Variants in USP36 observed in about 807,000 individuals in gnomAD.
USP36 encodes ubiquitin carboxyl-terminal hydrolase 36.
A neutral mutation model predicts 111.5 loss-of-function variants in USP36; 59 were observed. The ratio of observed to expected loss-of-function variants is 0.53; its 90% CI spans 0.43 to 0.66. USP36 has a LOEUF of 0.66. USP36 is among the 30% of genes least tolerant of loss of function. The pLI, the probability that USP36 is intolerant of heterozygous loss-of-function variation, is 0.00. For synonymous variants in USP36, 628 were observed against 581.0 expected (o/e 1.08, Z -1.16); for missense variants, 1,488 against 1,468.0 (o/e 1.01, Z -0.22).
At chr17:78,788,514 C>A (rs970920540) in intron 3 of USP36, among the ~76,000 whole-genome samples, 1 of 152,066 alleles carries the variant, frequency 6.6e-6, no homozygotes, top group African/African-American at 2.4e-5. Context: ...TTTATGTTCT[C>A]CCAGCTGGTT....
intron 13 of USP36, among the ~76,000 whole-genome samples, chr17:78,812,517 G>A (rs920411579): frequency 4.0e-5 from 6 of 151,534 alleles, no homozygotes; most frequent in South Asian, 2.1e-4. Flanking sequence ...GTGAAACCCC[G>A]TCTCTACTAA....
chr17:78,799,865 G>A, intron 17 of USP36, 97 bp from the exon 18 acceptor site: 1 of 385,482 alleles, frequency 2.6e-6, no homozygotes, highest in Non-Finnish European at 4.5e-6. Context: ...CTTACAGTAA[G>A]TGGATGCTTG....
chr17:78,834,734 T>G (rs1263829847), intron 4 of USP36, among the ~76,000 whole-genome samples: 1 of 152,152 alleles, frequency 6.6e-6, no homozygotes, highest in African/African-American at 2.4e-5. Flanking sequence ...CGGCCTTGAT[T>G]TGTTTTTGTA....
At chr17:78,793,378 C>G (rs1049565172), downstream of USP36, among the ~76,000 whole-genome samples, 2 of 152,116 alleles carry the variant, frequency 1.3e-5, no homozygotes, top group Admixed American at 1.3e-4. Context: ...TCCCAAAAGG[C>G]AGGCAGAGCC....
chr17:78,820,811 T>G (rs7208551), intron 8 of USP36, among the ~76,000 whole-genome samples, 180 bp downstream of exon 8: 8,814 of 152,196 alleles, frequency 0.058, 814 homozygotes, highest in African/African-American at 0.2. Flanking sequence ...AAGGATACGC[T>G]TAGGAAAAAC....
At chr17:78,825,416 T>C (rs1948349117) in intron 6 of USP36, among the ~76,000 whole-genome samples, 1 of 152,164 alleles carries the variant, frequency 6.6e-6, no homozygotes, top group East Asian at 1.9e-4. Context: ...ATTCTTATTT[T>C]TTCTCACTCC....
At position 78,807,102 on chromosome 17, in the gene USP36, C is replaced by CG. The variant is rs775059509; in HGVS notation, c.1941dup (p.Ala648ArgfsTer14). 1 of 1,614,190 alleles carries CG rather than the reference C, an allele frequency of 6.2e-7. No homozygotes were observed. The highest frequency in any genetic ancestry group is 8.5e-7 in the Non-Finnish European group (1 of 1,180,032). Reference sequence around the variant, plus strand: ...CTTGGCGGCGTTTTGGAGTGGCCAGCGGTGGAACAGTTCGTTTCCTGAGAA... The same window carrying CG: ...CTTGGCGGCGTTTTGGAGTGGCCAGCGGGTGGAACAGTTCGTTTCCTGAGAA... On this transcript the variant is annotated frameshift_variant, in exon 14 of 21. Transcript: ENST00000449938. LOFTEE classifies it high-confidence loss of function.
In USP36 at chr17:78,814,474, A is replaced by G; in HGVS notation, c.1102T>C (p.Tyr368His). The change falls in exon 11 of 21, where the codon TAT becomes CAT. Residue 368 changes from tyrosine (Y) to histidine (H), a missense_variant. Coordinates refer to ENST00000449938, the MANE Select transcript of USP36 (RefSeq NM_001385174.1). ...TAGCCCGAGTGCACCAGGACAGCAT[A>G]GAGTCCATACATGACAGGATCACCA... ...NNGDPVMYGL[Y>H]AVLVHSGYSC... The G allele has an allele frequency of 6.2e-7, 1 of 1,614,242 alleles. No individual in the cohort carries two copies.
At position 78,820,616 on chromosome 17, in the gene USP36, T is replaced by C. The variant is rs543980960; in HGVS notation, c.828+375A>G. ...AGACCACCCTCCCGCACCCTGTAGCTGCAGCAGGATGTGCGACAAAGCCAA... is the reference window on the plus strand; with the variant it reads ...AGACCACCCTCCCGCACCCTGTAGCCGCAGCAGGATGTGCGACAAAGCCAA... On this transcript the variant is annotated intron_variant, in intron 8 of 20. Coordinates refer to ENST00000449938, the MANE Select transcript of USP36 (RefSeq NM_001385174.1). Among the ~76,000 whole-genome samples, 4 of 152,328 alleles carry C rather than the reference T, an allele frequency of 2.6e-5. 1 individual carries two copies. Among genetic ancestry groups the C allele is most frequent in the African/African-American group, 9.6e-5 (4 of 41,578 alleles).
intron 17 of USP36, 107 bp downstream of exon 17, chr17:78,802,217 C>T (rs865922386): frequency 3.8e-5 from 48 of 1,279,038 alleles, no homozygotes; most frequent in Non-Finnish European, 4.8e-5. Flanking sequence ...GCCCAGTGCA[C>T]GCCCATGCGG....
intron 13 of USP36, among the ~76,000 whole-genome samples, chr17:78,808,095 A>T (rs1002434006): frequency 2.0e-5 from 3 of 152,244 alleles, no homozygotes; most frequent in African/African-American, 7.2e-5. Context: ...GAAGAAATTT[A>T]GCAAAGTTCC....
intron 13 of USP36, among the ~76,000 whole-genome samples, chr17:78,808,267 G>A (rs2093963641): frequency 6.6e-6 from 1 of 152,072 alleles, no homozygotes; most frequent in African/African-American, 2.4e-5. Flanking sequence ...CTTTAAGACA[G>A]AGCCTTGCTC....
intron 1 of USP36, chr17:78,840,417 G>A (rs549071158): frequency 1.3e-5 from 2 of 152,540 alleles, no homozygotes; most frequent in Non-Finnish European, 2.9e-5. Context: ...AAGTTGACCT[G>A]AATCCTGCAC....
At chr17:78,840,586 G>C (rs2069196193) in intron 1 of USP36, 150 bp downstream of exon 1, 1 of 152,208 alleles carries the variant, frequency 6.6e-6, no homozygotes, top group Admixed American at 6.5e-5. Context: ...CCTCGGGGAC[G>C]GCCGAAGCCC....
Position 78,807,409 on chromosome 17 carries a change from A to G in USP36, c.1635T>C (p.Phe545=). The change falls in exon 14 of 21, where the codon TTT becomes TTC. Residue 545 remains phenylalanine (F), a synonymous_variant. Coordinates refer to ENST00000449938, the MANE Select transcript of USP36 (RefSeq NM_001385174.1). ...GCAGCCCCTGAGCAGTTCTGGGGGA[A>G]AAGTGCTGTGGAGGAGCTGGCTTCT... ...KVKKPAPPQH[F]SPRTAQGLPG... 6.2e-7 allele frequency: 1 copy of G among 1,614,114 alleles called. No individual in the cohort carries two copies. The highest frequency in any genetic ancestry group is 1.1e-5 in the South Asian group (1 of 91,088).
intron 14 of USP36, 105 bp downstream of exon 14, chr17:78,806,854 G>T (rs549671797): frequency 3.6e-4 from 526 of 1,448,824 alleles, no homozygotes; most frequent in Non-Finnish European, 4.7e-4. Context: ...TAACATGAGG[G>T]AGGCCAAAGC....
intron 13 of USP36, among the ~76,000 whole-genome samples, chr17:78,809,953 TCTC>T (rs1288415047): frequency 6.7e-6 from 1 of 149,458 alleles, no homozygotes; most frequent in African/African-American, 2.5e-5. Flanking sequence ...TTCAAGCGAT[TCTC>T]CTACCTCGGC....
At chr17:78,812,188 A>G (rs1188378199) in intron 13 of USP36, among the ~76,000 whole-genome samples, 2 of 149,544 alleles carry the variant, frequency 1.3e-5, no homozygotes, top group East Asian at 3.9e-4. Context: ...CCCTGTCTCC[A>G]AAAAAAAAAG....
At chr17:78,821,306 C>T (rs558951478) in intron 7 of USP36, 34 of 398,460 alleles carry the variant, frequency 8.5e-5, no homozygotes, top group Admixed American at 2.0e-4. Context: ...CTGACCACCA[C>T]GTGCGGTACT....
Sources: allele counts gnomAD v4.1 joint callset (sites outside exome capture counted in the v4.1 genomes callset), GRCh38; gene constraint gnomAD v4.1.1; transcripts MANE v1.5; gene names NCBI Gene and HGNC (gene_info 2026-07-23, HGNC 2026-07-21).